PCDHGA3: variants seen among roughly 807,000 people sequenced by gnomAD.
The protein encoded by PCDHGA3 is protocadherin gamma subfamily A, 3, also known as protocadherin gamma-A3.
PCDHGA3 carries 40 observed loss-of-function variants against 58.5 expected under a neutral mutation model. That is an observed-to-expected ratio of 0.68 (90% CI 0.53 to 0.89). The LOEUF (loss-of-function observed/expected upper bound fraction) is 0.89, where lower values mean the gene tolerates loss of function less well. PCDHGA3 is among the 40% of genes least tolerant of loss of function. The pLI, the probability that PCDHGA3 is intolerant of heterozygous loss-of-function variation, is 0.00. For missense variants in PCDHGA3, 1,223 were observed against 1,195.9 expected, an observed-to-expected ratio of 1.02 and a Z score of -0.33; for synonymous variants, 530 against 525.7, an observed-to-expected ratio of 1.01 and a Z score of -0.11.
chr5:141,478,102 C>T, intron 1 of PCDHGA3: 1 of 1,614,126 alleles, frequency 6.2e-7, no homozygotes, highest in South Asian at 1.1e-5. Flanking sequence ...CTGCTACCCT[C>T]ACTGTGTCAG....
intron 1 of PCDHGA3, chr5:141,364,259 C>CA: frequency 6.7e-7 from 1 of 1,498,884 alleles, no homozygotes; most frequent in Non-Finnish European, 8.9e-7. Flanking sequence ...AATATGTACC[C>CA]ATCGGCTTTA....
intron 1 of PCDHGA3, chr5:141,393,244 A>C: frequency 6.2e-7 from 1 of 1,613,840 alleles, no homozygotes; most frequent in Non-Finnish European, 8.5e-7. Flanking sequence ...AAAATTAACG[A>C]AATCGCGGTT....
rs779656906 is a variant in PCDHGA3 at position 141,476,872 on chromosome 5, C to T, written c.2425-17935C>T. On this transcript the variant is annotated intron_variant, in intron 1 of 3. Transcript: ENST00000253812. The surrounding 1 kb of genome is among the most constrained non-coding windows in gnomAD (Gnocchi z 7.6). ...TCAACCAGTCCTTGTACCGGGCGCG[C>T]GTCCTGGAGGATGCACCCTCCGGCA... 1.6e-4 allele frequency: 254 copies of T among 1,613,734 alleles called. No individual in the cohort carries two copies. The highest frequency in any genetic ancestry group is 2.1e-4 in the Non-Finnish European group (248 of 1,180,054).
chr5:141,355,035 T>C, intron 1 of PCDHGA3: 1 of 1,012,274 alleles, frequency 9.9e-7, no homozygotes, highest in Non-Finnish European at 1.4e-6. Flanking sequence ...TCACAAGATT[T>C]CTGCAGCACA....
intron 1 of PCDHGA3, among the ~76,000 whole-genome samples, chr5:141,380,385 A>G (rs543895642): frequency 3.0e-4 from 46 of 152,380 alleles, no homozygotes; most frequent in Non-Finnish European, 8.8e-5. Context: ...AAAAAAGAAA[A>G]GAGAGAAGAT....
chr5:141,500,680 T>C (rs999167635), intron 2 of PCDHGA3, among the ~76,000 whole-genome samples: 7 of 152,224 alleles, frequency 4.6e-5, no homozygotes, highest in Non-Finnish European at 7.3e-5. Context: ...AACAGAATTA[T>C]AGCTTTTTTC....
chr5:141,421,476 C>A, intron 1 of PCDHGA3: 2 of 1,614,158 alleles, frequency 1.2e-6, no homozygotes, highest in Non-Finnish European at 1.7e-6. Context: ...CGCGAAGCGG[C>A]AGCTTGATCA....
intron 1 of PCDHGA3, chr5:141,398,645 C>T (rs932721053): frequency 6.2e-7 from 1 of 1,613,936 alleles, no homozygotes; most frequent in African/African-American, 1.3e-5. Flanking sequence ...TATAAACTCT[C>T]TCTTAACCCA....
chr5:141,503,773 C>A (rs961986223), intron 2 of PCDHGA3, among the ~76,000 whole-genome samples: 1 of 152,204 alleles, frequency 6.6e-6, no homozygotes. Context: ...TGTGTCTGTT[C>A]TTAGGCTGAG....
In PCDHGA3 at chr5:141,491,832, C is replaced by A; in HGVS notation, c.2425-2975C>A. On this transcript the variant is annotated intron_variant, in intron 1 of 3. Coordinates refer to ENST00000253812, the MANE Select transcript of PCDHGA3 (RefSeq NM_018916.4). The surrounding 1 kb of genome is among the most constrained non-coding windows in gnomAD (Gnocchi z 6.9). ...GTCGCTGGCTGCGCTCCACCCGATT[C>A]TCGGGATCATTGGACCGTTTGCGCG... 6.8e-7 allele frequency: 1 copy of A among 1,474,424 alleles called. No individual in the cohort carries two copies. 91.3% of individuals were successfully genotyped at this position (1,474,424 alleles called of 1,614,324 possible).
chr5:141,387,984 C>T (rs1470979893), intron 1 of PCDHGA3: 2 of 1,485,580 alleles, frequency 1.3e-6, no homozygotes. Flanking sequence ...TGAGCAGATC[C>T]GCTACAGGAT....
intron 1 of PCDHGA3, chr5:141,412,746 C>T (rs2095574250): frequency 6.5e-6 from 1 of 154,106 alleles, no homozygotes; most frequent in Non-Finnish European, 1.4e-5. Context: ...ATATATTTAA[C>T]CAAACATTAT....
rs374302649 is a variant in PCDHGA3 at position 141,345,418 on chromosome 5, C to G, written c.1385C>G (p.Pro462Arg). 11 of 1,614,064 alleles carry G rather than the reference C, an allele frequency of 6.8e-6. No individual in the cohort carries two copies. Among genetic ancestry groups the G allele is most frequent in the Non-Finnish European group, 8.5e-6 (10 of 1,180,030 alleles). Residue 462 changes from proline (P) to arginine (R), a missense_variant, in exon 1 of 4, where the codon CCA becomes CGA. Coordinates refer to ENST00000253812, the MANE Select transcript of PCDHGA3 (RefSeq NM_018916.4). ...FPHLSYSAYI[P>R]ENNPRGASIF... Reference sequence around the variant, plus strand: ...CATTTATCCTACTCCGCCTACATTCCAGAAAACAACCCCAGAGGAGCCTCC... The same window carrying G: ...CATTTATCCTACTCCGCCTACATTCGAGAAAACAACCCCAGAGGAGCCTCC...
At chr5:141,398,207 C>T (rs1368284039) in intron 1 of PCDHGA3, 3 of 1,488,636 alleles carry the variant, frequency 2.0e-6, no homozygotes, top group South Asian at 2.6e-5. Flanking sequence ...TTGTTCTGCC[C>T]GGCGCTCTGT....
chr5:141,418,666 G>C, intron 1 of PCDHGA3: 1 of 1,614,038 alleles, frequency 6.2e-7, no homozygotes, highest in Non-Finnish European at 8.5e-7. Context: ...CCACTGACCA[G>C]GACGAGGGCA....
rs761718852 is a variant in PCDHGA3, at chr5:141,432,440, G to A, written c.2425-62367G>A. ...GCTGGACCAGAACGACAATGCGCCCGAGATCCTGTACCCCGCCCTCCCCAC... is the reference window on the plus strand; with the variant it reads ...GCTGGACCAGAACGACAATGCGCCCAAGATCCTGTACCCCGCCCTCCCCAC... On this transcript the variant is annotated intron_variant, in intron 1 of 3. Transcript: ENST00000253812. The surrounding 1 kb of genome is among the most constrained non-coding windows in gnomAD (Gnocchi z 6.0). 1.3e-5 allele frequency: 21 copies of A among 1,614,226 alleles called. No homozygotes were observed. Among genetic ancestry groups the A allele is most frequent in the Non-Finnish European group, 1.6e-5 (19 of 1,180,048 alleles).
intron 2 of PCDHGA3, among the ~76,000 whole-genome samples, chr5:141,496,748 C>T (rs1382244657): frequency 6.6e-6 from 1 of 152,130 alleles, no homozygotes; most frequent in African/African-American, 2.4e-5. Flanking sequence ...ATTTATTCAA[C>T]AAATATTTAT....
chr5:141,501,945 T>C (rs1318749969), intron 2 of PCDHGA3, among the ~76,000 whole-genome samples: 1 of 152,106 alleles, frequency 6.6e-6, no homozygotes, highest in Non-Finnish European at 1.5e-5. Context: ...CACTGCTCCC[T>C]GTGACAGGTC....
At chr5:141,354,984 A>C (rs977159014) in intron 1 of PCDHGA3, 5 of 597,460 alleles carry the variant, frequency 8.4e-6, no homozygotes, top group Non-Finnish European at 1.3e-5. Context: ...GTCGCTGTTC[A>C]CCAATCAGGG....
Sources: allele counts gnomAD v4.1 joint callset (sites outside exome capture counted in the v4.1 genomes callset), GRCh38; gene constraint gnomAD v4.1.1; non-coding constraint Gnocchi (gnomAD v3.1); transcripts MANE v1.5; gene names NCBI Gene and HGNC (gene_info 2026-07-23, HGNC 2026-07-21).